Variants in VWA8 observed in about 807,000 individuals in gnomAD.
VWA8 encodes the protein von Willebrand factor A domain containing 8.
A neutral mutation model predicts 241.5 loss-of-function variants in VWA8; 221 were observed. That is an observed-to-expected ratio of 0.91 (90% CI 0.82 to 1.02). The LOEUF is 1.02. Among genes scored for constraint, VWA8 ranks in the 50% least tolerant of loss-of-function variants. The pLI is 0.00. For missense variants in VWA8, 2,322 were observed against 2,328.7 expected, an observed-to-expected ratio of 1.00 and a Z score of 0.06; for synonymous variants, 852 against 827.1, an observed-to-expected ratio of 1.03 and a Z score of -0.52.
chr13:41,675,234 G>A lies in VWA8; in HGVS notation c.4390C>T (p.Arg1464Ter), dbSNP rs757308360. ...EVTDLQSKKL[R>*]YIPIPRSESL... ...GATTACCTGGGAATAGGGATATATC[G>A]GAGTTTCTTTGATTGAAGATCAGTG... Residue 1464 changes from arginine (R) to a stop codon, truncating the protein, a stop_gained, in exon 36 of 45, where the codon CGA (arginine) becomes TGA (stop). Transcript: ENST00000379310. LOFTEE classifies it high-confidence loss of function. 21 of 1,612,006 alleles carry A rather than the reference G, an allele frequency of 1.3e-5. No individual in the cohort carries two copies. Among genetic ancestry groups the A allele is most frequent in the Non-Finnish European group, 1.3e-5 (15 of 1,178,606 alleles).
At chr13:41,830,044 C>T (rs1871366948) in intron 14 of VWA8, among the ~76,000 whole-genome samples, 1 of 152,040 alleles carries the variant, frequency 6.6e-6, no homozygotes, top group Admixed American at 6.5e-5. Context: ...AGATCGAGAC[C>T]ATCCTGGCTA....
At chr13:41,602,042 G>A (rs2044525216) in intron 40 of VWA8, among the ~76,000 whole-genome samples, 1 of 152,024 alleles carries the variant, frequency 6.6e-6, no homozygotes, top group African/African-American at 2.4e-5. Context: ...GGCAAAATGG[G>A]ACCAAATCAA....
chr13:41,895,165 A>C (rs1402902327), intron 4 of VWA8, among the ~76,000 whole-genome samples: 1 of 152,148 alleles, frequency 6.6e-6, no homozygotes, highest in Admixed American at 6.5e-5. Flanking sequence ...GGTAGGGCCT[A>C]CAAGTTTATA....
chr13:41,903,673 C>T (rs7323696), intron 4 of VWA8, among the ~76,000 whole-genome samples: 52,207 of 151,762 alleles, frequency 0.34, 9,206 homozygotes, highest in African/African-American at 0.43. Context: ...CTGCAGCCTG[C>T]AAGGCAAGGA....
At chr13:41,898,433 T>C (rs1363794543) in intron 4 of VWA8, among the ~76,000 whole-genome samples, 1 of 152,172 alleles carries the variant, frequency 6.6e-6, no homozygotes, top group African/African-American at 2.4e-5. Flanking sequence ...AGACACCCGG[T>C]GCTGATTGGT....
intron 37 of VWA8, among the ~76,000 whole-genome samples, chr13:41,630,039 T>G (rs2044716334): frequency 6.6e-6 from 1 of 152,188 alleles, no homozygotes; most frequent in Non-Finnish European, 1.5e-5. Context: ...TTAAGTGCCT[T>G]TATAAGTAAC....
At chr13:41,837,667 C>T (rs1016422996) in intron 12 of VWA8, among the ~76,000 whole-genome samples, 1 of 152,116 alleles carries the variant, frequency 6.6e-6, no homozygotes, top group Admixed American at 6.5e-5. Context: ...AAATATATAT[C>T]ATTTCCTCAT....
At chr13:41,950,066 A>G (rs1035078481) in intron 1 of VWA8, 53 bp from the exon 2 acceptor site, 1 of 1,134,594 alleles carries the variant, frequency 8.8e-7, no homozygotes, top group South Asian at 1.5e-5. Flanking sequence ...CGAGAAAACC[A>G]TAGACTATGC....
intron 20 of VWA8, among the ~76,000 whole-genome samples, chr13:41,775,759 C>G (rs1023364047): frequency 6.6e-6 from 1 of 152,266 alleles, no homozygotes; most frequent in African/African-American, 2.4e-5. Flanking sequence ...TTGTATAGCA[C>G]CCTAGGACAA....
chr13:41,627,336 TTTCCTTGCTTTG>T (rs2044698604), intron 37 of VWA8, among the ~76,000 whole-genome samples: 1 of 152,092 alleles, frequency 6.6e-6, no homozygotes, highest in African/African-American at 2.4e-5. Context: ...ACCCCAATTC[TTTCCTTGCTTTG>T]TTTGTGTGTT....
At chr13:41,673,180 T>A (rs1174458268) in intron 36 of VWA8, among the ~76,000 whole-genome samples, 1 of 152,196 alleles carries the variant, frequency 6.6e-6, no homozygotes, top group East Asian at 1.9e-4. Flanking sequence ...CAGCCACATA[T>A]GAAAGCTTGG....
chr13:41,812,452 A>G (rs1870511548), intron 16 of VWA8, among the ~76,000 whole-genome samples: 1 of 152,120 alleles, frequency 6.6e-6, no homozygotes, highest in Non-Finnish European at 1.5e-5. Flanking sequence ...ACAGAGGGTG[A>G]TAAGGGCAGT....
intron 19 of VWA8, among the ~76,000 whole-genome samples, chr13:41,779,186 T>C (rs1461452279): frequency 6.8e-6 from 1 of 148,040 alleles, no homozygotes; most frequent in Non-Finnish European, 1.5e-5. Context: ...ATCTATATTG[T>C]ATAATATACA....
intron 20 of VWA8, among the ~76,000 whole-genome samples, chr13:41,765,995 C>T (rs1243092606): frequency 1.3e-5 from 2 of 152,100 alleles, no homozygotes; most frequent in African/African-American, 4.8e-5. Flanking sequence ...GAAGGATTTT[C>T]GCAGAAGCAG....
intron 37 of VWA8, among the ~76,000 whole-genome samples, chr13:41,648,539 C>G (rs1351820296): frequency 6.6e-6 from 1 of 152,108 alleles, no homozygotes; most frequent in Admixed American, 6.5e-5. Flanking sequence ...GTGAACTTTC[C>G]CGAATGTAAA....
chr13:41,867,004 G>C (rs1006047132), intron 10 of VWA8, among the ~76,000 whole-genome samples: 1 of 152,004 alleles, frequency 6.6e-6, no homozygotes, highest in Non-Finnish European at 1.5e-5. Context: ...TATACCACAC[G>C]AACCAAAGAA....
intron 35 of VWA8, among the ~76,000 whole-genome samples, chr13:41,682,375 A>T (rs1026031617): frequency 2.6e-5 from 4 of 152,220 alleles, no homozygotes; most frequent in African/African-American, 9.6e-5. Flanking sequence ...CATGTAAAAA[A>T]TTAACTCAAA....
chr13:41,892,473 T>C (rs1874894004), intron 4 of VWA8, among the ~76,000 whole-genome samples: 1 of 152,218 alleles, frequency 6.6e-6, no homozygotes, highest in African/African-American at 2.4e-5. Flanking sequence ...GGAAAATTGT[T>C]TTGTCTTCTG....
chr13:41,845,484 T>C (rs1872250421), intron 12 of VWA8, among the ~76,000 whole-genome samples: 1 of 151,830 alleles, frequency 6.6e-6, no homozygotes, highest in Non-Finnish European at 1.5e-5. Flanking sequence ...CAAAGGAAAA[T>C]AAATAGTTCC....
Sources: allele counts gnomAD v4.1 joint callset (sites outside exome capture counted in the v4.1 genomes callset), GRCh38; gene constraint gnomAD v4.1.1; transcripts MANE v1.5; gene names NCBI Gene and HGNC (gene_info 2026-07-23, HGNC 2026-07-21).